Variants in KAZN observed in about 807,000 individuals in gnomAD.
KAZN encodes the protein kazrin.
KAZN carries 40 observed loss-of-function variants against 87.4 expected under a neutral mutation model. That is an observed-to-expected ratio of 0.46 (90% confidence interval 0.36 to 0.60). The LOEUF (loss-of-function observed/expected upper bound fraction) is 0.60, where lower values mean the gene tolerates loss of function less well. Among genes scored for constraint, KAZN ranks in the 20% least tolerant of loss-of-function variants. The pLI, the probability that KAZN is intolerant of heterozygous loss-of-function variation, is 0.00. For missense variants in KAZN, 898 were observed against 1,073.9 expected (o/e 0.84, Z 2.29); for synonymous variants, 466 against 458.3 (o/e 1.02, Z -0.22).
At chr1:14,548,072 G>T (rs1292585761) in intron 2 of KAZN, among the ~76,000 whole-genome samples, 2 of 150,706 alleles carry the variant, frequency 1.3e-5, no homozygotes, top group East Asian at 3.9e-4. Context: ...TGCAAAAAAA[G>T]ATTTCATAAT....
chr1:14,880,330 G>T (rs1572714606), intron 1 of KAZN, among the ~76,000 whole-genome samples: 1 of 152,106 alleles, frequency 6.6e-6, no homozygotes. Context: ...GGACCCCAGG[G>T]GATTGCCCGA....
intron 1 of KAZN, among the ~76,000 whole-genome samples, chr1:14,933,955 C>G (rs912144737): frequency 3.3e-5 from 5 of 151,362 alleles, no homozygotes; most frequent in African/African-American, 1.2e-4. Flanking sequence ...TCACGCCATT[C>G]TCCTGCCTCC....
chr1:14,425,584 T>C (rs1229058054), intron 2 of KAZN, among the ~76,000 whole-genome samples: 1 of 152,192 alleles, frequency 6.6e-6, no homozygotes, highest in Non-Finnish European at 1.5e-5. Context: ...AAACTTGGAC[T>C]TGAATCCCGG....
intron 1 of KAZN, among the ~76,000 whole-genome samples, chr1:14,874,784 T>A (rs1040093736): frequency 6.6e-6 from 1 of 152,092 alleles, no homozygotes; most frequent in Non-Finnish European, 1.5e-5. Flanking sequence ...GGATTACCCA[T>A]AATGCTCTTG....
chr1:14,765,368 C>T (rs1422241936), intron 1 of KAZN, among the ~76,000 whole-genome samples: 1 of 152,196 alleles, frequency 6.6e-6, no homozygotes, highest in Non-Finnish European at 1.5e-5. Context: ...GTTGTTAGGG[C>T]CATCAGCTGG....
At chr1:15,075,940 G>T (rs751419869) in intron 8 of KAZN, among the ~76,000 whole-genome samples, 1 of 152,246 alleles carries the variant, frequency 6.6e-6, no homozygotes, top group East Asian at 1.9e-4. Context: ...CCCTTTGGTG[G>T]CTCTGAGCTG....
rs142969469 is a variant in KAZN, at chr1:14,901,927, A to T, written c.227-58757A>T. 5.4e-3 allele frequency among the ~76,000 whole-genome samples: 819 copies of T among 152,274 alleles called. 7 individuals are homozygous for T. Among genetic ancestry groups the T allele is most frequent in the African/African-American group, 0.018 (767 of 41,562 alleles). On this transcript the variant is annotated intron_variant, in intron 1 of 14. Coordinates refer to ENST00000376030, the MANE Select transcript of KAZN (RefSeq NM_201628.3). Reference sequence around the variant, plus strand: ...GCTCTCAGGAGGTGGTCCTGAAGCCACCTCTCTTGAGTGCTGCAAGGGCCT... The same window carrying T: ...GCTCTCAGGAGGTGGTCCTGAAGCCTCCTCTCTTGAGTGCTGCAAGGGCCT...
chr1:14,313,660 G>A (rs918032130), intron 2 of KAZN, among the ~76,000 whole-genome samples: 2 of 152,100 alleles, frequency 1.3e-5, no homozygotes, highest in Admixed American at 1.3e-4. Context: ...CTGCTTTTGA[G>A]TTCCATCTGT....
intron 1 of KAZN, among the ~76,000 whole-genome samples, chr1:14,876,780 G>C (rs539795586): frequency 6.9e-4 from 105 of 152,310 alleles, no homozygotes; most frequent in African/African-American, 2.4e-3. Context: ...AATGTTAGCT[G>C]TTATTATTCT....
rs1315659144 is a variant in KAZN at position 14,769,072 on chromosome 1, C to G, written c.226+169849C>G. Reference sequence around the variant, plus strand: ...AGTGAATTAATTACCAGGCAAAGAGCCCATTTGAAGGCTCAACCCTTTAGA... The same window carrying G: ...AGTGAATTAATTACCAGGCAAAGAGGCCATTTGAAGGCTCAACCCTTTAGA... On this transcript the variant is annotated intron_variant, in intron 1 of 14. Coordinates refer to ENST00000376030, the MANE Select transcript of KAZN (RefSeq NM_201628.3). The surrounding 1 kb of genome is among the most constrained non-coding windows in gnomAD (Gnocchi z 4.1). Among the ~76,000 whole-genome samples, 1 of 152,202 alleles carries G rather than the reference C, an allele frequency of 6.6e-6. No homozygotes were observed. Among genetic ancestry groups the G allele is most frequent in the African/African-American group, 2.4e-5 (1 of 41,450 alleles).
intron 1 of KAZN, among the ~76,000 whole-genome samples, chr1:14,711,630 G>A (rs1390447004): frequency 6.6e-5 from 10 of 152,142 alleles, no homozygotes; most frequent in Admixed American, 2.6e-4. Context: ...ACTTGCTCCC[G>A]TCGATGAAGC....
intron 2 of KAZN, among the ~76,000 whole-genome samples, chr1:14,210,825 C>T (rs1273159488): frequency 6.6e-6 from 1 of 152,000 alleles, no homozygotes; most frequent in Non-Finnish European, 1.5e-5. Flanking sequence ...TTCTGCAAAT[C>T]TCTTTAATGT....
At chr1:14,832,835 C>A (rs1647089868) in intron 1 of KAZN, among the ~76,000 whole-genome samples, 1 of 152,074 alleles carries the variant, frequency 6.6e-6, no homozygotes, top group African/African-American at 2.4e-5. Flanking sequence ...TATATCATGA[C>A]CTGTGAAAGT....
chr1:14,503,842 C>T (rs979820658), intron 2 of KAZN, among the ~76,000 whole-genome samples: 3 of 152,172 alleles, frequency 2.0e-5, no homozygotes, highest in Middle Eastern at 3.2e-3. Flanking sequence ...TTCCTCAGGA[C>T]TTGGAATCAC....
chr1:14,868,055 C>T (rs918736543), intron 1 of KAZN, among the ~76,000 whole-genome samples: 4 of 79,710 alleles, frequency 5.0e-5, no homozygotes, highest in Admixed American at 1.1e-4. Context: ...GCATCACATA[C>T]GCACAGCATT....
intron 1 of KAZN, among the ~76,000 whole-genome samples, chr1:13,935,827 A>T (rs1640707190): frequency 6.6e-6 from 1 of 150,398 alleles, no homozygotes; most frequent in Non-Finnish European, 1.5e-5. Flanking sequence ...CAGATTTCCC[A>T]TTTCTAGAAT....
chr1:14,361,703 CTG>C (rs1659528625), intron 2 of KAZN, among the ~76,000 whole-genome samples: 1 of 152,248 alleles, frequency 6.6e-6, no homozygotes, highest in South Asian at 2.1e-4. Context: ...TGTTCATCCT[CTG>C]TGGGCTGCAC....
intron 1 of KAZN, among the ~76,000 whole-genome samples, chr1:14,776,742 C>T (rs1645184503): frequency 6.6e-6 from 1 of 151,994 alleles, no homozygotes; most frequent in Admixed American, 6.6e-5. Flanking sequence ...ATTTGGGCAA[C>T]ACAGAAAGAC....
rs556157601 is a variant in KAZN at position 14,095,273 on chromosome 1, T to C, written c.92-85162T>C. Among the ~76,000 whole-genome samples, 7 of 152,344 alleles carry C rather than the reference T, an allele frequency of 4.6e-5. 1 individual carries two copies. In the South Asian group the frequency reaches 1.5e-3, roughly 32 times the overall value. On this transcript the variant is annotated intron_variant, in intron 1 of 16. Transcript: ENST00000636203. ...TCATTCTCACTCTCATCTAGGTATA[T>C]GCCGTGGAGAGGAATCACCTGTTCT...
Sources: allele counts gnomAD v4.1 joint callset (sites outside exome capture counted in the v4.1 genomes callset), GRCh38; gene constraint gnomAD v4.1.1; non-coding constraint Gnocchi (gnomAD v3.1); transcripts MANE v1.5; gene names NCBI Gene and HGNC (gene_info 2026-07-23, HGNC 2026-07-21).